Variants in CTNNA3 observed in about 807,000 individuals in gnomAD.
CTNNA3 encodes the protein catenin alpha 3.
Under a neutral mutation model 95.7 loss-of-function variants are expected in CTNNA3, and 76 were observed. The observed-to-expected ratio is 0.79, with a 90% confidence interval of 0.66 to 0.96. The LOEUF (loss-of-function observed/expected upper bound fraction) is 0.96, where lower values mean the gene tolerates loss of function less well. Among genes scored for constraint, CTNNA3 ranks in the 40% least tolerant of loss-of-function variants. CTNNA3 has a pLI of 0.00. For missense variants in CTNNA3, 1,191 were observed against 1,089.8 expected (o/e 1.09, Z -1.31); for synonymous variants, 431 against 374.4 (o/e 1.15, Z -1.74).
At chr10:66,691,454 G>A (rs561205239) in intron 9 of CTNNA3, among the ~76,000 whole-genome samples, 16 of 152,296 alleles carry the variant, frequency 1.1e-4, no homozygotes, top group African/African-American at 3.1e-4. Context: ...CAAAGCATCC[G>A]GGAAGCTCGA....
At chr10:67,618,211 A>C (rs2133403959) in intron 2 of CTNNA3, among the ~76,000 whole-genome samples, 1 of 152,294 alleles carries the variant, frequency 6.6e-6, no homozygotes, top group Non-Finnish European at 1.5e-5. Flanking sequence ...AGGAAGCAAA[A>C]CAAAAAGTAA....
At chr10:66,918,135 G>T (rs1846591847) in intron 7 of CTNNA3, among the ~76,000 whole-genome samples, 1 of 152,108 alleles carries the variant, frequency 6.6e-6, no homozygotes, top group Non-Finnish European at 1.5e-5. Context: ...CTATTAATAA[G>T]AATTTTTTGT....
In CTNNA3 at chr10:66,428,716, A is replaced by T. The variant is rs541171414; in HGVS notation, c.1532-49364T>A. ...TTCTTTGAAACCAACGAGAACAAAGACATAACATACTAGAATATCTGGGAC... is the reference window on the plus strand; with the variant it reads ...TTCTTTGAAACCAACGAGAACAAAGTCATAACATACTAGAATATCTGGGAC... On this transcript the variant is annotated intron_variant, in intron 11 of 17. Transcript: ENST00000433211. Among the ~76,000 whole-genome samples, 3 of 152,326 alleles carry T rather than the reference A, an allele frequency of 2.0e-5. No homozygotes were observed. In the East Asian group the frequency reaches 5.8e-4, roughly 29 times the overall value.
At chr10:66,670,261 G>T (rs912388707) in intron 9 of CTNNA3, among the ~76,000 whole-genome samples, 1 of 152,080 alleles carries the variant, frequency 6.6e-6, no homozygotes, top group South Asian at 2.1e-4. Flanking sequence ...AAATCTGGCT[G>T]GGTTCAGCTG....
chr10:66,949,936 T>C (rs1293930519), intron 7 of CTNNA3, among the ~76,000 whole-genome samples: 1 of 152,210 alleles, frequency 6.6e-6, no homozygotes, highest in Admixed American at 6.5e-5. Flanking sequence ...AGACATTAAA[T>C]AGAAAACTTG....
At chr10:66,047,033 C>T (rs1226641595) in intron 15 of CTNNA3, among the ~76,000 whole-genome samples, 8 of 152,030 alleles carry the variant, frequency 5.3e-5, no homozygotes, top group African/African-American at 9.7e-5. Flanking sequence ...GAAACACAGC[C>T]GAATTCTACT....
At chr10:66,942,917 C>G (rs907990191) in intron 7 of CTNNA3, among the ~76,000 whole-genome samples, 2 of 152,126 alleles carry the variant, frequency 1.3e-5, no homozygotes, top group African/African-American at 4.8e-5. Flanking sequence ...CAAAGAGTTA[C>G]AAAGGAAGAA....
intron 7 of CTNNA3, among the ~76,000 whole-genome samples, chr10:66,859,543 T>C (rs923832067): frequency 2.6e-4 from 40 of 151,518 alleles, no homozygotes; most frequent in African/African-American, 9.5e-4. Context: ...TGTGGAGAAA[T>C]AGGAACACTT....
chr10:66,031,471 A>G (rs1001114658), intron 15 of CTNNA3, among the ~76,000 whole-genome samples: 2 of 152,132 alleles, frequency 1.3e-5, no homozygotes, highest in African/African-American at 4.8e-5. Flanking sequence ...AACCAATACC[A>G]CATGCTTTCA....
At chr10:66,982,043 G>A (rs733552) in intron 7 of CTNNA3, among the ~76,000 whole-genome samples, 29,090 of 152,174 alleles carry the variant, frequency 0.19, 3,154 homozygotes, top group South Asian at 0.31. Flanking sequence ...TTAATGATGA[G>A]GCAAGGGGCT....
chr10:67,154,026 C>G (rs1861191849), intron 7 of CTNNA3, among the ~76,000 whole-genome samples: 1 of 151,568 alleles, frequency 6.6e-6, no homozygotes, highest in Non-Finnish European at 1.5e-5. Flanking sequence ...AAACAGCAGC[C>G]AAAATTAAAC....
intron 9 of CTNNA3, among the ~76,000 whole-genome samples, chr10:66,736,195 T>TC (rs1244924509): frequency 6.6e-6 from 1 of 152,040 alleles, no homozygotes; most frequent in African/African-American, 2.4e-5. Flanking sequence ...CGAATACTTT[T>TC]TTTTTTTTTA....
At chr10:66,407,217 A>AC (rs926016661) in intron 11 of CTNNA3, among the ~76,000 whole-genome samples, 1 of 151,928 alleles carries the variant, frequency 6.6e-6, no homozygotes, top group Non-Finnish European at 1.5e-5. Flanking sequence ...AAAAAAAAAA[A>AC]AACAGGAAAG....
chr10:66,865,460 T>C (rs923805592), intron 7 of CTNNA3, among the ~76,000 whole-genome samples: 3 of 151,794 alleles, frequency 2.0e-5, no homozygotes, highest in Non-Finnish European at 2.9e-5. Flanking sequence ...ACAACCACAA[T>C]GTTTCATTAA....
chr10:66,542,646 C>A (rs1296024157), intron 10 of CTNNA3, among the ~76,000 whole-genome samples: 2 of 150,984 alleles, frequency 1.3e-5, no homozygotes, highest in African/African-American at 4.9e-5. Context: ...GGACAAAAAA[C>A]CAAACACCGC....
chr10:67,423,683 T>C (rs371699594), intron 5 of CTNNA3, among the ~76,000 whole-genome samples: 74 of 152,118 alleles, frequency 4.9e-4, no homozygotes, highest in African/African-American at 1.8e-3. Context: ...AACAACACAA[T>C]AGTAATACAT....
intron 6 of CTNNA3, among the ~76,000 whole-genome samples, chr10:67,214,287 A>G (rs1864258539): frequency 6.6e-6 from 1 of 151,736 alleles, no homozygotes; most frequent in Non-Finnish European, 1.5e-5. Flanking sequence ...GCAATTATAC[A>G]GTCTATGACT....
chr10:66,328,911 C>CATATATATATATAT (rs1554935009), intron 12 of CTNNA3, among the ~76,000 whole-genome samples: 4,319 of 86,120 alleles, frequency 0.05, 289 homozygotes, highest in Middle Eastern at 0.092. Flanking sequence ...CACATATATA[C>CATATATATATATAT]ATATATATAT....
chr10:66,806,261 T>TTGTGTG (rs59596203), intron 7 of CTNNA3, among the ~76,000 whole-genome samples: 6,958 of 143,846 alleles, frequency 0.048, 181 homozygotes, highest in African/African-American at 0.063. Context: ...ATATTGGTGT[T>TTGTGTG]TGTGTGTGTG....
Sources: gnomAD v4.1 joint callset for allele counts (sites outside exome capture counted in the v4.1 genomes callset) on GRCh38, gnomAD v4.1.1 for gene constraint, MANE v1.5 for transcripts, NCBI Gene and HGNC (gene_info 2026-07-23, HGNC 2026-07-21) for gene names.